PDE7B: variants seen among roughly 807,000 people sequenced by gnomAD.
PDE7B encodes 3',5'-cyclic-AMP phosphodiesterase 7B.
A neutral mutation model predicts 56.2 loss-of-function variants in PDE7B; 29 were observed. The observed-to-expected ratio is 0.52, with a 90% CI of 0.38 to 0.70. The LOEUF is 0.70. PDE7B is among the 30% of genes least tolerant of loss of function. The probability of loss-of-function intolerance (pLI) is 0.00; values close to 1 mark genes in which losing one functional copy is unlikely to be tolerated. For synonymous variants in PDE7B, 197 were observed against 196.9 expected, an observed-to-expected ratio of 1.00 and a Z score of 0.00; for missense variants, 490 against 565.0, an observed-to-expected ratio of 0.87 and a Z score of 1.35.
chr6:136,030,258 C>T (rs902280013), intron 2 of PDE7B, among the ~76,000 whole-genome samples: 1 of 152,202 alleles, frequency 6.6e-6, no homozygotes, highest in African/African-American at 2.4e-5. Flanking sequence ...TATTTTTAAT[C>T]ATAGAAATCT....
At chr6:135,962,517 T>C (rs1338114230) in intron 2 of PDE7B, among the ~76,000 whole-genome samples, 2 of 152,304 alleles carry the variant, frequency 1.3e-5, no homozygotes, top group Admixed American at 6.5e-5. Context: ...ATTTTCCAAG[T>C]GTTCAATAAA....
intron 2 of PDE7B, chr6:136,033,983 T>C (rs1776285733): frequency 2.6e-5 from 4 of 152,156 alleles, no homozygotes; most frequent in Admixed American, 2.6e-4. Context: ...TTTGCATTTT[T>C]TTCCAAAAGA....
At chr6:136,098,872 C>T in intron 2 of PDE7B, among the ~76,000 whole-genome samples, 1 of 151,984 alleles carries the variant, frequency 6.6e-6, no homozygotes, top group South Asian at 2.1e-4. Flanking sequence ...GTTTGCTGCA[C>T]CCATTAACTC....
chr6:136,140,409 C>A (rs1778300131), intron 3 of PDE7B, among the ~76,000 whole-genome samples: 1 of 152,126 alleles, frequency 6.6e-6, no homozygotes. Flanking sequence ...TAGCATGATG[C>A]CTCCAGCTTT....
chr6:136,091,493 G>A (rs1024334062), intron 2 of PDE7B, among the ~76,000 whole-genome samples: 2 of 152,126 alleles, frequency 1.3e-5, no homozygotes, highest in South Asian at 4.1e-4. Context: ...TTTAAATAAC[G>A]GTTCCCTTTT....
intron 2 of PDE7B, among the ~76,000 whole-genome samples, chr6:135,986,253 C>G (rs979675542): frequency 6.6e-6 from 1 of 152,132 alleles, no homozygotes; most frequent in Admixed American, 6.5e-5. Context: ...ATTTCAGTAA[C>G]TGAAGTGATG....
chr6:136,059,633 A>C (rs181852185), intron 2 of PDE7B, among the ~76,000 whole-genome samples: 2 of 152,192 alleles, frequency 1.3e-5, no homozygotes, highest in East Asian at 3.8e-4. Flanking sequence ...TAAATTTATA[A>C]GTTTTAATTA....
intron 3 of PDE7B, among the ~76,000 whole-genome samples, chr6:136,109,690 A>T (rs1308045193): frequency 6.6e-6 from 1 of 152,164 alleles, no homozygotes; most frequent in Non-Finnish European, 1.5e-5. Flanking sequence ...AGTTTTGCTC[A>T]ACCTTTGGTC....
At chr6:136,089,674 C>T (rs192092477) in intron 2 of PDE7B, among the ~76,000 whole-genome samples, 113 of 152,276 alleles carry the variant, frequency 7.4e-4, no homozygotes, top group African/African-American at 2.4e-3. Flanking sequence ...CCAAAGTGAA[C>T]ATTTTATGCA....
In PDE7B at chr6:136,093,170, T is replaced by C. The variant is rs111550872; in HGVS notation, c.83-15561T>C. On this transcript the variant is annotated intron_variant, in intron 2 of 12. Coordinates refer to ENST00000308191, the MANE Select transcript of PDE7B (RefSeq NM_018945.4). ...GTTTAATTACCCAGTATGATGGCTG[T>C]GAAAACAAACGATGCTGCTTGTCAG... 2.2e-3 allele frequency among the ~76,000 whole-genome samples: 340 copies of C among 152,320 alleles called. 2 individuals carry two copies. Among genetic ancestry groups the C allele is most frequent in the African/African-American group, 6.6e-3 (273 of 41,568 alleles).
chr6:135,876,832 C>T lies in PDE7B; in HGVS notation c.21+24813C>T, dbSNP rs190945504. ...TGAGATTGCGCCACTGCGCTCCAGC[C>T]TGGGTGACAGTGAGAGACTCTGTGT... On this transcript the variant is annotated intron_variant, in intron 1 of 12. Transcript: ENST00000308191. 2.6e-5 allele frequency among the ~76,000 whole-genome samples: 4 copies of T among 151,896 alleles called. No individual in the cohort carries two copies. In the East Asian group the frequency reaches 7.7e-4, roughly 29 times the overall value.
chr6:135,967,779 T>C (rs1775021457), intron 2 of PDE7B, among the ~76,000 whole-genome samples: 1 of 152,176 alleles, frequency 6.6e-6, no homozygotes, highest in African/African-American at 2.4e-5. Context: ...CATGGCCGAA[T>C]GAATACTCGT....
At chr6:135,956,840 G>T (rs1774804226) in intron 2 of PDE7B, among the ~76,000 whole-genome samples, 1 of 148,816 alleles carries the variant, frequency 6.7e-6, no homozygotes, top group Non-Finnish European at 1.5e-5. Flanking sequence ...GAGAAAGGAA[G>T]AAAGAAAGAA....
chr6:135,911,208 A>G (rs1776206580), intron 1 of PDE7B, among the ~76,000 whole-genome samples: 1 of 152,208 alleles, frequency 6.6e-6, no homozygotes, highest in African/African-American at 2.4e-5. Context: ...GTCCCTATGA[A>G]TCATTAGCTG....
rs1289787850 is a variant in PDE7B, at chr6:135,912,682, G to GA, written c.22-34776dup. Among the ~76,000 whole-genome samples the GA allele has an allele frequency of 3.2e-4, 49 of 152,214 alleles. 1 individual carries two copies. The highest frequency in any genetic ancestry group is 7.7e-4 in the African/African-American group (32 of 41,524). ...AAATAAAATGAGCAACAGCTGAGAG[G>GA]AAAAAATAAACATGGGTCTTTAGGA... On this transcript the variant is annotated intron_variant, in intron 1 of 12. Coordinates refer to ENST00000308191, the MANE Select transcript of PDE7B (RefSeq NM_018945.4).
At chr6:135,858,313 T>G (rs1356083440) in intron 1 of PDE7B, among the ~76,000 whole-genome samples, 2 of 151,802 alleles carry the variant, frequency 1.3e-5, no homozygotes, top group Non-Finnish European at 2.9e-5. Context: ...CCACCACACC[T>G]GGCTAATTTT....
chr6:136,024,011 G>GAA (rs765815977), intron 2 of PDE7B, among the ~76,000 whole-genome samples: 2 of 152,022 alleles, frequency 1.3e-5, no homozygotes, highest in South Asian at 4.1e-4. Context: ...GCCTTACCAA[G>GAA]AAAGCCCTTG....
At chr6:135,971,835 T>G (rs1775098846) in intron 2 of PDE7B, among the ~76,000 whole-genome samples, 1 of 152,152 alleles carries the variant, frequency 6.6e-6, no homozygotes, top group Admixed American at 6.5e-5. Flanking sequence ...CCTTACAAAG[T>G]ATGAAACCTT....
intron 6 of PDE7B, among the ~76,000 whole-genome samples, chr6:136,152,068 A>G (rs761583614): frequency 6.6e-5 from 10 of 152,196 alleles, no homozygotes; most frequent in Admixed American, 6.5e-4. Flanking sequence ...GAGGAAGAAG[A>G]GGAAGAGGAG....
Sources: allele counts gnomAD v4.1 joint callset (sites outside exome capture counted in the v4.1 genomes callset), GRCh38; gene constraint gnomAD v4.1.1; transcripts MANE v1.5; gene names NCBI Gene and HGNC (gene_info 2026-07-23, HGNC 2026-07-21).